Variants in GMPS observed in about 807,000 individuals in gnomAD.
GMPS encodes guanosine monophosphate synthase.
GMPS carries 15 observed loss-of-function variants against 77.9 expected under a neutral mutation model. The observed-to-expected ratio is 0.19, with a 90% CI of 0.13 to 0.30. The LOEUF is 0.30. Among genes scored for constraint, GMPS ranks in the 10% least tolerant of loss-of-function variants. The pLI, the probability that GMPS is intolerant of heterozygous loss-of-function variation, is 1.00. For missense variants in GMPS, 590 were observed against 838.8 expected (o/e 0.70, Z 3.66); for synonymous variants, 224 against 275.9 (o/e 0.81, Z 1.86).
chr3:155,900,401 T>C (rs1405040531), intron 3 of GMPS, among the ~76,000 whole-genome samples: 1 of 151,652 alleles, frequency 6.6e-6, no homozygotes, highest in Non-Finnish European at 1.5e-5. Context: ...AGGTGTAATA[T>C]ATTTATATAA....
intron 15 of GMPS, among the ~76,000 whole-genome samples, chr3:155,936,720 A>G (rs943241747): frequency 2.0e-5 from 3 of 152,156 alleles, no homozygotes; most frequent in African/African-American, 7.2e-5. Flanking sequence ...TTGTGTGATT[A>G]CTGTATAAAA....
chr3:155,899,576 A>C (rs992339829), intron 3 of GMPS, among the ~76,000 whole-genome samples: 2 of 152,176 alleles, frequency 1.3e-5, no homozygotes, highest in African/African-American at 4.8e-5. Flanking sequence ...AGAGTGATAC[A>C]TTTGATATAA....
chr3:155,910,998 CA>C (rs1755022855), intron 6 of GMPS, 113 bp downstream of exon 6: 1 of 1,082,750 alleles, frequency 9.2e-7, no homozygotes, highest in Admixed American at 2.4e-5. Context: ...AGTGCTTTTC[CA>C]GTTACCATAC....
chr3:155,918,277 CT>C (rs536951999), intron 9 of GMPS, among the ~76,000 whole-genome samples: 66 of 152,226 alleles, frequency 4.3e-4, no homozygotes, highest in Middle Eastern at 3.4e-3. Flanking sequence ...TGGTGAAACC[CT>C]GTATCTACTA....
In GMPS at chr3:155,938,100, A is replaced by G; in HGVS notation, c.*408A>G. 1 of 231,920 alleles carries G rather than the reference A, an allele frequency of 4.3e-6. No individual in the cohort carries two copies. The highest frequency in any genetic ancestry group is 6.3e-5 in the East Asian group (1 of 15,884). The allele number at this position is 231,920 out of a possible 1,614,324, so 14.4% of individuals were successfully genotyped here. A position where few individuals can be genotyped will look rare whatever the true frequency, so the allele number is the denominator to read the frequency against. On this transcript the variant is annotated 3_prime_UTR_variant, in exon 16 of 16. Coordinates refer to ENST00000496455, the MANE Select transcript of GMPS (RefSeq NM_003875.3). ...TACCAGTGTTACTTACTACTTATAT[A>G]TACTTTTTGGAGAATCAGTTTTCTT...
chr3:155,885,450 G>T (rs988872788), intron 1 of GMPS, among the ~76,000 whole-genome samples: 4 of 152,086 alleles, frequency 2.6e-5, no homozygotes, highest in African/African-American at 9.7e-5. Context: ...TGAAACAGTT[G>T]GTAATTGGTA....
chr3:155,923,323 A>G (rs1004385836), intron 11 of GMPS, among the ~76,000 whole-genome samples: 3 of 152,180 alleles, frequency 2.0e-5, no homozygotes, highest in African/African-American at 4.8e-5. Context: ...ATGGGTAGAA[A>G]AGGTTAAGAT....
chr3:155,925,485 A>G (rs1755432134), intron 12 of GMPS, 119 bp downstream of exon 12: 1 of 620,254 alleles, frequency 1.6e-6, no homozygotes, highest in Admixed American at 3.4e-5. Flanking sequence ...GCTCATTGCA[A>G]CCTCCGCCTC....
chr3:155,935,879 A>G (rs1232554325), intron 14 of GMPS, among the ~76,000 whole-genome samples: 1 of 152,198 alleles, frequency 6.6e-6, no homozygotes, highest in Non-Finnish European at 1.5e-5. Context: ...TTCAGTGTTA[A>G]TGAATCTATA....
At position 155,897,813 on chromosome 3, in the gene GMPS, A is replaced by G. The variant is rs1362253695; in HGVS notation, c.210-114A>G. 4.6e-6 allele frequency: 3 copies of G among 653,604 alleles called. No individual in the cohort carries two copies. The East Asian group carries it at 7.5e-5, about 16-fold the overall frequency. The allele number at this position is 653,604 out of a possible 1,614,324, so 40.5% of individuals were successfully genotyped here. ...TTAGAATTTGCTACATTCTACCAAA[A>G]ACAACGCAATTTCTGGATCTGTGTT... On this transcript the variant is annotated intron_variant, in intron 2 of 15. Coordinates refer to ENST00000496455, the MANE Select transcript of GMPS (RefSeq NM_003875.3).
intron 1 of GMPS, among the ~76,000 whole-genome samples, chr3:155,879,225 T>G (rs1004808908): frequency 1.3e-5 from 2 of 151,916 alleles, no homozygotes; most frequent in African/African-American, 4.8e-5. Flanking sequence ...GTACCTGAAA[T>G]TAGCCATCAC....
intron 10 of GMPS, among the ~76,000 whole-genome samples, chr3:155,921,112 G>A (rs778857591): frequency 2.0e-5 from 3 of 152,208 alleles, no homozygotes; most frequent in African/African-American, 4.8e-5. Context: ...GCATGGTGGT[G>A]CATGCCTGTA....
rs141512362 is a variant in GMPS, at chr3:155,881,313, C to G, written c.27+10416C>G. ...TCAGCCTCCCAAGTAGCTGGGATTA[C>G]AGGCGTGTGCCACCATGCCCGGCTA... On this transcript the variant is annotated intron_variant, in intron 1 of 15. Coordinates refer to ENST00000496455, the MANE Select transcript of GMPS (RefSeq NM_003875.3). 1.3e-4 allele frequency among the ~76,000 whole-genome samples: 20 copies of G among 151,934 alleles called. No individual in the cohort carries two copies. The East Asian group carries it at 3.9e-3, about 30-fold the overall frequency.
intron 5 of GMPS, 127 bp downstream of exon 5, chr3:155,906,390 A>G (rs1250206994): frequency 9.2e-6 from 5 of 544,330 alleles, no homozygotes; most frequent in Non-Finnish European, 1.3e-5. Context: ...TTTTTTTTAA[A>G]GATAATAATG....
At position 155,873,638 on chromosome 3, in the gene GMPS, C is replaced by CTTTTTTTTTTTTTTTTTTTTTTTTTTTT. The variant is rs58365650; in HGVS notation, c.27+2755_27+2756insTTTTTTTTTTTTTTTTTTTTTTTTTTTT. 2.4e-5 allele frequency among the ~76,000 whole-genome samples: 2 copies of CTTTTTTTTTTTTTTTTTTTTTTTTTTTT among 82,576 alleles called. 1 individual carries two copies. The highest frequency in any genetic ancestry group is 4.5e-5 in the Non-Finnish European group (2 of 44,940). The allele number at this position is 82,576 out of a possible 152,430, so 54.2% of individuals were successfully genotyped here. ...TGTCGTTAGGTTACATGAGTAAGTTCTTTTTTTTTTTTTTGAGATGGAGTC... is the reference window on the plus strand; with the variant it reads ...TGTCGTTAGGTTACATGAGTAAGTTCTTTTTTTTTTTTTTTTTTTTTTTTTTTTTTTTTTTTTTTTTTGAGATGGAGTC... On this transcript the variant is annotated intron_variant, in intron 1 of 15. Coordinates refer to ENST00000496455, the MANE Select transcript of GMPS (RefSeq NM_003875.3).
At chr3:155,932,893 C>T (rs769355160) in intron 13 of GMPS, among the ~76,000 whole-genome samples, 1 of 152,112 alleles carries the variant, frequency 6.6e-6, no homozygotes, top group Non-Finnish European at 1.5e-5. Flanking sequence ...AGAATTATTA[C>T]TATCTTCAAT....
At chr3:155,932,329 A>C (rs1755648096) in intron 13 of GMPS, among the ~76,000 whole-genome samples, 1 of 151,906 alleles carries the variant, frequency 6.6e-6, no homozygotes, top group South Asian at 2.1e-4. Context: ...TACAAAACAA[A>C]CAACCCCCAC....
Position 155,940,655 on chromosome 3 carries a change from T to A in GMPS, c.*2963T>A, listed in dbSNP as rs566492930. 4.5e-6 allele frequency: 1 copy of A among 221,520 alleles called. No individual in the cohort carries two copies. The highest frequency in any genetic ancestry group is 5.7e-5 in the Admixed American group (1 of 17,394). 13.7% of individuals were successfully genotyped at this position (221,520 alleles called of 1,614,324 possible). ...TGTGACATGAGGTAACTGTATTAAA[T>A]TTTCAGCATCAAATCCAGCTATAAA... is the stretch of plus-strand genomic sequence containing the variant. On this transcript the variant is annotated 3_prime_UTR_variant, in exon 16 of 16. Coordinates refer to ENST00000496455, the MANE Select transcript of GMPS (RefSeq NM_003875.3).
At position 155,919,284 on chromosome 3, in the gene GMPS, T is replaced by C. The variant is rs780793915; in HGVS notation, c.1264T>C (p.Leu422=). 10 of 1,598,450 alleles carry C rather than the reference T, an allele frequency of 6.3e-6. No homozygotes were observed. The South Asian group carries it at 1.1e-4, about 18-fold the overall frequency. Residue 422 remains leucine, a synonymous_variant, in exon 10 of 16, where the codon TTG becomes CTG. Coordinates refer to ENST00000496455, the MANE Select transcript of GMPS (RefSeq NM_003875.3). ...KDFHKDEVRI[L]GRELGLPEEL... ...TTTTCATAAAGATGAAGTGAGAATT[T>C]TGGGCAGAGAACTTGGACTTCCAGA... is the stretch of plus-strand genomic sequence containing the variant.
Sources: gnomAD v4.1 joint callset for allele counts (sites outside exome capture counted in the v4.1 genomes callset) on GRCh38, gnomAD v4.1.1 for gene constraint, MANE v1.5 for transcripts, NCBI Gene and HGNC (gene_info 2026-07-23, HGNC 2026-07-21) for gene names.